MEGF11: variants seen among roughly 807,000 people sequenced by gnomAD.
The protein encoded by MEGF11 is multiple EGF like domains 11.
In MEGF11, 126 loss-of-function variants were observed where a neutral mutation model predicts 146.6. That is an observed-to-expected ratio of 0.86 (90% confidence interval 0.74 to 1.00). MEGF11 has a LOEUF of 1.00. Ranked by LOEUF, MEGF11 falls within the 50% of genes least tolerant of loss-of-function variation. The pLI is 0.00. For missense variants in MEGF11, 1,509 were observed against 1,521.2 expected, an observed-to-expected ratio of 0.99 and a Z score of 0.13; for synonymous variants, 532 against 583.4, an observed-to-expected ratio of 0.91 and a Z score of 1.27.
At chr15:65,913,028 T>A (rs2078865324) in intron 20 of MEGF11, among the ~76,000 whole-genome samples, 1 of 152,346 alleles carries the variant, frequency 6.6e-6, no homozygotes, top group South Asian at 2.1e-4. Context: ...CATTTTGGCC[T>A]CTACTGTTTA....
intron 23 of MEGF11, 55 bp downstream of exon 23, chr15:65,908,979 C>G: frequency 8.9e-7 from 1 of 1,119,872 alleles, no homozygotes; most frequent in Admixed American, 2.0e-5. Flanking sequence ...GGGATTAGGG[C>G]AGGTGCTGGG....
intron 5 of MEGF11, among the ~76,000 whole-genome samples, chr15:66,093,581 G>A (rs548082552): frequency 5.3e-5 from 8 of 152,340 alleles, no homozygotes; most frequent in African/African-American, 1.4e-4. Flanking sequence ...CCTTAGTCAA[G>A]TCCTCTTTGA....
chr15:66,079,830 A>G (rs2085769859), intron 5 of MEGF11, among the ~76,000 whole-genome samples: 1 of 152,062 alleles, frequency 6.6e-6, no homozygotes, highest in Non-Finnish European at 1.5e-5. Flanking sequence ...GCTGCCTTTG[A>G]GCTGGTGTTC....
intron 21 of MEGF11, among the ~76,000 whole-genome samples, chr15:65,911,722 C>A (rs1407069270): frequency 6.6e-6 from 1 of 152,132 alleles, no homozygotes. Context: ...ACAAGGTGGT[C>A]TAGTGTTTTG....
chr15:65,998,272 T>A (rs2082259496), intron 5 of MEGF11, among the ~76,000 whole-genome samples: 1 of 152,080 alleles, frequency 6.6e-6, no homozygotes, highest in Non-Finnish European at 1.5e-5. Context: ...CCTGCTCGCT[T>A]AGAATGAGAG....
At chr15:66,145,403 T>C (rs185414746) in intron 1 of MEGF11, among the ~76,000 whole-genome samples, 1 of 152,198 alleles carries the variant, frequency 6.6e-6, no homozygotes, top group African/African-American at 2.4e-5. Context: ...TGGCCATAAA[T>C]CTTCTGTGAG....
At chr15:65,935,452 G>A (rs909171843) in intron 10 of MEGF11, among the ~76,000 whole-genome samples, 4 of 149,286 alleles carry the variant, frequency 2.7e-5, no homozygotes, top group African/African-American at 7.4e-5. Context: ...GGGATCTGAC[G>A]CTATCTCCAG....
chr15:66,116,232 C>G lies in MEGF11; in HGVS notation c.301+2854G>C, dbSNP rs183192313. Among the ~76,000 whole-genome samples the G allele has an allele frequency of 1.6e-4, 24 of 152,308 alleles. 1 individual carries two copies. In the East Asian group the frequency reaches 4.2e-3, roughly 27 times the overall value. On this transcript the variant is annotated intron_variant, in intron 4 of 25. Transcript: ENST00000395614. ...GCCGCGCTTGACTGTCTCTGTCTAG[C>G]CTTTTTCACATCCAGTCTCTGGGCT...
intron 5 of MEGF11, among the ~76,000 whole-genome samples, chr15:66,018,504 C>T (rs2082974356): frequency 6.6e-6 from 1 of 152,210 alleles, no homozygotes; most frequent in African/African-American, 2.4e-5. Context: ...CCCCAGATGC[C>T]CACTCTAGGG....
intron 1 of MEGF11, among the ~76,000 whole-genome samples, chr15:66,190,236 T>C (rs1223914204): frequency 3.9e-5 from 6 of 152,112 alleles, no homozygotes; most frequent in African/African-American, 1.2e-4. Context: ...TTGGAAGGAT[T>C]TAGGGTAGAC....
intron 5 of MEGF11, among the ~76,000 whole-genome samples, chr15:66,017,108 G>T (rs565037862): frequency 6.6e-6 from 1 of 152,168 alleles, no homozygotes; most frequent in African/African-American, 2.4e-5. Context: ...GAGTGCGATC[G>T]ATTAAATTAT....
intron 5 of MEGF11, among the ~76,000 whole-genome samples, chr15:66,086,500 C>A (rs1462762162): frequency 6.6e-6 from 1 of 152,104 alleles, no homozygotes; most frequent in African/African-American, 2.4e-5. Flanking sequence ...GATTGGGGAC[C>A]CATCTTCAGC....
intron 24 of MEGF11, among the ~76,000 whole-genome samples, chr15:65,899,469 AGTAGCTG>A (rs1193660926): frequency 1.3e-5 from 2 of 152,122 alleles, no homozygotes; most frequent in Non-Finnish European, 2.9e-5. Context: ...CAGCCTCCTG[AGTAGCTG>A]GTATTATCGG....
intron 20 of MEGF11, 77 bp from the exon 21 acceptor site, chr15:65,912,277 G>T: frequency 1.1e-6 from 1 of 908,628 alleles, no homozygotes; most frequent in African/African-American, 1.7e-5. Context: ...TAATGCTTGC[G>T]CTGGGAGCCT....
intron 1 of MEGF11, among the ~76,000 whole-genome samples, chr15:66,213,581 CTT>C (rs10572080): frequency 1.9e-4 from 27 of 142,646 alleles, no homozygotes; most frequent in Non-Finnish European, 2.6e-4. Context: ...CATCCAGAAA[CTT>C]TTTTTTTTTT....
Position 65,980,395 on chromosome 15 carries a change from C to CTTTTTTTTTTTT in MEGF11, c.762+371_762+382dup, listed in dbSNP as rs60154748. Among the ~76,000 whole-genome samples, 19 of 88,196 alleles carry CTTTTTTTTTTTT rather than the reference C, an allele frequency of 2.2e-4. 2 individuals are homozygous for CTTTTTTTTTTTT. The highest frequency in any genetic ancestry group is 7.9e-4 in the African/African-American group (16 of 20,196). 57.9% of individuals were successfully genotyped at this position (88,196 alleles called of 152,430 possible). A position where few individuals can be genotyped will look rare whatever the true frequency, so the allele number is the denominator to read the frequency against. On this transcript the variant is annotated intron_variant, in intron 7 of 25. Transcript: ENST00000395614. ...TATTCAGAGTGGGAGAAGAATTCAG[C>CTTTTTTTTTTTT]TTTTTTTTTTTTTTTTTTTTTTTTG...
At chr15:66,082,655 G>A (rs1202923253) in intron 5 of MEGF11, among the ~76,000 whole-genome samples, 2 of 79,062 alleles carry the variant, frequency 2.5e-5, no homozygotes, top group Non-Finnish European at 4.5e-5. Flanking sequence ...CCAGCAAGAT[G>A]GAGCAAGACT....
chr15:65,900,148 A>G (rs2078459814), intron 24 of MEGF11, among the ~76,000 whole-genome samples: 1 of 152,196 alleles, frequency 6.6e-6, no homozygotes, highest in Admixed American at 6.5e-5. Context: ...AGACACAAGC[A>G]CTGAGCTGCT....
At chr15:66,129,837 G>A (rs1481117842) in intron 1 of MEGF11, among the ~76,000 whole-genome samples, 2 of 152,178 alleles carry the variant, frequency 1.3e-5, no homozygotes, top group Admixed American at 6.5e-5. Context: ...CTGTATAACC[G>A]TGGGGGTCTA....
Sources: gnomAD v4.1 joint callset for allele counts (sites outside exome capture counted in the v4.1 genomes callset) on GRCh38, gnomAD v4.1.1 for gene constraint, MANE v1.5 for transcripts, NCBI Gene and HGNC (gene_info 2026-07-23, HGNC 2026-07-21) for gene names.